Variants in TENT5B observed in about 807,000 individuals in gnomAD.
TENT5B encodes the protein family with sequence similarity 46 member B.
In TENT5B, 12 loss-of-function variants were observed where a neutral mutation model predicts 21.7. That is an observed-to-expected ratio of 0.55 (90% CI 0.36 to 0.90). TENT5B has a LOEUF of 0.90. Ranked by LOEUF, TENT5B falls within the 40% of genes least tolerant of loss-of-function variation. The pLI is 0.01. For synonymous variants in TENT5B, 262 were observed against 266.6 expected (o/e 0.98, Z 0.17); for missense variants, 540 against 601.5 (o/e 0.90, Z 1.07).
In TENT5B at chr1:27,007,699, G is replaced by A. The variant is rs540724765; in HGVS notation, c.265-742C>T. ...GCGCTCGGTGGTTTAAGTCTTAACC[G>A]TGCTATTCTACCTCTCAAACTGCTA... On this transcript the variant is annotated intron_variant, in intron 1 of 1. Transcript: ENST00000289166. Among the ~76,000 whole-genome samples the A allele has an allele frequency of 2.1e-3, 317 of 152,130 alleles. 2 individuals are homozygous for A. Among genetic ancestry groups the A allele is most frequent in the African/African-American group, 7.1e-3 (296 of 41,500 alleles).
At chr1:27,012,292 T>TC (rs1213959249) in intron 1 of TENT5B, 115 bp downstream of exon 1, 40 of 1,464,328 alleles carry the variant, frequency 2.7e-5, no homozygotes, top group Non-Finnish European at 3.6e-5. Context: ...TACAGCCATG[T>TC]CCCCGTTCCT....
intron 1 of TENT5B, among the ~76,000 whole-genome samples, chr1:27,011,180 G>A (rs745470467): frequency 2.6e-5 from 4 of 152,130 alleles, no homozygotes; most frequent in African/African-American, 7.2e-5. Context: ...ACTGGGCCGC[G>A]TGTGAGTCAG....
In TENT5B at chr1:27,012,836, C is replaced by A; in HGVS notation, c.-166G>T. The A allele has an allele frequency of 1.1e-6, 1 of 917,194 alleles. No homozygotes were observed. The highest frequency in any genetic ancestry group is 2.2e-5 in the South Asian group (1 of 46,078). The allele number at this position is 917,194 out of a possible 1,614,324, so 56.8% of individuals were successfully genotyped here. Reference sequence around the variant, plus strand: ...GAACACCTCAGACGGCGACGACTAACCGACCCTAGCGCCTGCAGCCCGCGG... The same window carrying A: ...GAACACCTCAGACGGCGACGACTAAACGACCCTAGCGCCTGCAGCCCGCGG... On this transcript the variant is annotated 5_prime_UTR_variant, in exon 1 of 2. Transcript: ENST00000289166.
At position 27,006,104 on chromosome 1, in the gene TENT5B, GC is replaced by G; in HGVS notation, c.1117del (p.Ala373ArgfsTer35). 6.2e-7 allele frequency: 1 copy of G among 1,609,352 alleles called. No homozygotes were observed. The highest frequency in any genetic ancestry group is 8.5e-7 in the Non-Finnish European group (1 of 1,177,280). The stretch of plus-strand genomic sequence containing the variant: ...GCCCTGCTCAGCCAGTGCCTGCAGC[GC>G]CAGTGCGGCAATGAGGTCCAGCGTC... ...RQTLDLIAAL[A>X]LQALAEQGPA... On this transcript the variant is annotated frameshift_variant, in exon 2 of 2. Transcript: ENST00000289166. LOFTEE classifies it low-confidence loss of function (END_TRUNC). The surrounding 1 kb of genome is among the most constrained non-coding windows in gnomAD (Gnocchi z 9.4).
chr1:27,010,753 G>A (rs898303591), intron 1 of TENT5B, among the ~76,000 whole-genome samples: 1 of 152,152 alleles, frequency 6.6e-6, no homozygotes, highest in South Asian at 2.1e-4. Flanking sequence ...TGCTATCTCT[G>A]ACCCAGGTCT....
Position 27,012,633 on chromosome 1 carries a change from C to T in TENT5B, c.38G>A (p.Arg13Gln). The part of the protein sequence containing the change: ...PSESGAERRD[R>Q]AAAQVGTAAA... The stretch of plus-strand genomic sequence containing the variant: ...AGCCGTCCCCACCTGAGCAGCCGCC[C>T]GGTCCCTGCGCTCAGCTCCGCTCTC... The change falls in exon 1 of 2, where the codon CGG becomes CAG. Residue 13 changes from arginine to glutamine, a missense_variant. Physicochemically the swap from Arg to Gln is conservative, Grantham distance 43. Coordinates refer to ENST00000289166, the MANE Select transcript of TENT5B (RefSeq NM_052943.4). The T allele has an allele frequency of 2.6e-6, 4 of 1,511,422 alleles. No homozygotes were observed. The highest frequency in any genetic ancestry group is 1.8e-6 in the Non-Finnish European group (2 of 1,138,922). The allele number at this position is 1,511,422 out of a possible 1,614,324, so 93.6% of individuals were successfully genotyped here.
intron 1 of TENT5B, among the ~76,000 whole-genome samples, chr1:27,010,328 G>A (rs1346568528): frequency 6.6e-6 from 1 of 152,104 alleles, no homozygotes. Context: ...CTTGCAGGGG[G>A]GTAGAGGGAG....
Position 27,006,526 on chromosome 1 carries a change from G to A in TENT5B, c.696C>T (p.Cys232=), listed in dbSNP as rs746538837. Residue 232 remains cysteine, a synonymous_variant, in exon 2 of 2, where the codon TGC becomes TGT. Coordinates refer to ENST00000289166, the MANE Select transcript of TENT5B (RefSeq NM_052943.4). This position sits in a 1 kb window ranked among gnomAD's most constrained non-coding sequence, Gnocchi z 9.4. The stretch of plus-strand genomic sequence containing the variant: ...AGGCCTCAGACATGGGAGTGGACGA[G>A]CACTGGCCAAAGAGCAACAGGGAGT... ...ILDSLLLFGQ[C]SSTPMSEAFH... is the part of the protein sequence containing the mutation. The A allele has an allele frequency of 1.2e-6, 2 of 1,614,196 alleles. No individual in the cohort carries two copies. Among genetic ancestry groups the A allele is most frequent in the South Asian group, 2.2e-5 (2 of 91,090 alleles).
In TENT5B at chr1:27,012,391, C is replaced by G. The variant is rs1375838007; in HGVS notation, c.264+16G>C. On this transcript the variant is annotated intron_variant, in intron 1 of 1. Transcript: ENST00000289166. ...AGAAGGGATTCCCCCACATCCCCCG[C>G]CTGGCGTCCTCTCACCTGCACGATC... The G allele has an allele frequency of 6.2e-7, 1 of 1,608,332 alleles. No homozygotes were observed. Among genetic ancestry groups the G allele is most frequent in the Admixed American group, 1.7e-5 (1 of 59,500 alleles).
rs757926525 is a variant in TENT5B, at chr1:27,006,601, C to T, written c.621G>A (p.Ser207=). The change falls in exon 2 of 2, where the codon TCG becomes TCA. Residue 207 remains serine, a synonymous_variant. Coordinates refer to ENST00000289166, the MANE Select transcript of TENT5B (RefSeq NM_052943.4). The surrounding 1 kb of genome is among the most constrained non-coding windows in gnomAD (Gnocchi z 9.4). ...GKNVELKFVD[S]VRRQFEFSID... The stretch of plus-strand genomic sequence containing the variant: ...TGCTGAATTCAAACTGGCGTCTCAC[C>T]GAGTCCACAAACTTGAGCTCCACGT... 8.7e-6 allele frequency: 14 copies of T among 1,614,186 alleles called. No homozygotes were observed. In the South Asian group the frequency reaches 1.1e-4, roughly 13 times the overall value.
chr1:27,012,802 A>C lies in TENT5B; in HGVS notation c.-132T>G. ...GACGGGGCGGCAACGACGGCGAGAC[A>C]AAGCCAGGGAACACCTCAGACGGCG... On this transcript the variant is annotated 5_prime_UTR_variant, in exon 1 of 2. Coordinates refer to ENST00000289166, the MANE Select transcript of TENT5B (RefSeq NM_052943.4). 8.5e-7 allele frequency: 1 copy of C among 1,182,772 alleles called. No homozygotes were observed. The highest frequency in any genetic ancestry group is 1.1e-6 in the Non-Finnish European group (1 of 900,042). 73.3% of individuals were successfully genotyped at this position (1,182,772 alleles called of 1,614,324 possible). A position where few individuals can be genotyped will look rare whatever the true frequency, so the allele number is the denominator to read the frequency against.
rs1463347248 is a variant in TENT5B at position 27,005,796 on chromosome 1, A to G, written c.*148T>C. 2 of 1,085,780 alleles carry G rather than the reference A, an allele frequency of 1.8e-6. No homozygotes were observed. The highest frequency in any genetic ancestry group is 2.5e-6 in the Non-Finnish European group (2 of 793,076). 67.3% of individuals were successfully genotyped at this position (1,085,780 alleles called of 1,614,324 possible). ...GCCCACAGGGGCCTCGTGCTCGGGA[A>G]AGTCTGGTCTGTTCAATCAAAGGCC... is the stretch of plus-strand genomic sequence containing the variant. On this transcript the variant is annotated 3_prime_UTR_variant, in exon 2 of 2. Transcript: ENST00000289166.
Position 27,006,926 on chromosome 1 carries a change from A to G in TENT5B, c.296T>C (p.Leu99Pro). 4 of 1,602,464 alleles carry G rather than the reference A, an allele frequency of 2.5e-6. No homozygotes were observed. Among genetic ancestry groups the G allele is most frequent in the Non-Finnish European group, 3.4e-6 (4 of 1,172,204 alleles). Residue 99 changes from leucine (L) to proline (P), a missense_variant, in exon 2 of 2, where the codon CTA (leucine) becomes CCA (proline). Physicochemically the swap from Leu to Pro is moderately conservative, Grantham distance 98 (BLOSUM62 -3). Coordinates refer to ENST00000289166, the MANE Select transcript of TENT5B (RefSeq NM_052943.4). This position sits in a 1 kb window ranked among gnomAD's most constrained non-coding sequence, Gnocchi z 9.4. ...VVRSTLEEQG[L>P]HVHSVRLHGS... ...ATGCAGCCGCACACTGTGCACATGT[A>G]GTCCCTGCTCCTCCAGGGTGCTGCG...
Position 27,006,807 on chromosome 1 carries a change from A to T in TENT5B, c.415T>A (p.Ser139Thr). ...VFRVDLRSEA[S>T]FQLTKAVVLA... Reference sequence around the variant, plus strand: ...ACCACTGCCTTGGTCAGCTGGAAGGATGCCTCACTGCGCAGGTCCACCCGG... The same window carrying T: ...ACCACTGCCTTGGTCAGCTGGAAGGTTGCCTCACTGCGCAGGTCCACCCGG... The change falls in exon 2 of 2, where the codon TCC becomes ACC. Residue 139 changes from serine to threonine, a missense_variant. Transcript: ENST00000289166. The surrounding 1 kb of genome is among the most constrained non-coding windows in gnomAD (Gnocchi z 9.4). 1 of 1,614,006 alleles carries T rather than the reference A, an allele frequency of 6.2e-7. No individual in the cohort carries two copies. The highest frequency in any genetic ancestry group is 8.5e-7 in the Non-Finnish European group (1 of 1,180,028).
chr1:27,009,882 G>A (rs1348018933), intron 1 of TENT5B, among the ~76,000 whole-genome samples: 1 of 152,200 alleles, frequency 6.6e-6, no homozygotes, highest in Non-Finnish European at 1.5e-5. Flanking sequence ...TTTGGCAGAC[G>A]GTCACCAGAT....
rs754510486 is a variant in TENT5B, at chr1:27,006,625, G to A, written c.597C>T (p.Asn199=). The A allele has an allele frequency of 6.2e-6, 10 of 1,614,018 alleles. No homozygotes were observed. The South Asian group carries it at 6.6e-5, about 11-fold the overall frequency. ...CCGAGTCCACAAACTTGAGCTCCACGTTCTTGCCGCTCTTGTTGGACAGTG... is the reference window on the plus strand; with the variant it reads ...CCGAGTCCACAAACTTGAGCTCCACATTCTTGCCGCTCTTGTTGGACAGTG... ...LISLSNKSGK[N]VELKFVDSVR... The change falls in exon 2 of 2, where the codon AAC becomes AAT. Residue 199 remains asparagine (N), a synonymous_variant. Coordinates refer to ENST00000289166, the MANE Select transcript of TENT5B (RefSeq NM_052943.4). The surrounding 1 kb of genome is among the most constrained non-coding windows in gnomAD (Gnocchi z 9.4).
chr1:27,011,697 C>CGAAAA (rs2082624195), intron 1 of TENT5B, among the ~76,000 whole-genome samples: 1 of 152,164 alleles, frequency 6.6e-6, no homozygotes, highest in Admixed American at 6.5e-5. Flanking sequence ...TTCTCTTCTC[C>CGAAAA]CTTTCCTCAG....
Position 27,006,475 on chromosome 1 carries a change from G to A in TENT5B, c.747C>T (p.Ser249=). The A allele has an allele frequency of 6.2e-7, 1 of 1,614,078 alleles. No individual in the cohort carries two copies. Among genetic ancestry groups the A allele is most frequent in the South Asian group, 1.1e-5 (1 of 91,084 alleles). ...EAFHPTVTGE[S]LYGDFTEALE... is the part of the protein sequence containing the mutation. Reference sequence around the variant, plus strand: ...GGGCCTCGGTGAAGTCCCCGTACAGGCTTTCGCCTGTGACCGTTGGGTGGA... The same window carrying A: ...GGGCCTCGGTGAAGTCCCCGTACAGACTTTCGCCTGTGACCGTTGGGTGGA... Residue 249 remains serine (S), a synonymous_variant, in exon 2 of 2, where the codon AGC becomes AGT. Transcript: ENST00000289166. This position sits in a 1 kb window ranked among gnomAD's most constrained non-coding sequence, Gnocchi z 9.4.
Position 27,012,690 on chromosome 1 carries a change from C to T in TENT5B, c.-20G>A, listed in dbSNP as rs1190741586. 1 of 1,450,628 alleles carries T rather than the reference C, an allele frequency of 6.9e-7. No individual in the cohort carries two copies. Among genetic ancestry groups the T allele is most frequent in the African/African-American group, 1.5e-5 (1 of 66,178 alleles). The allele number at this position is 1,450,628 out of a possible 1,614,324, so 89.9% of individuals were successfully genotyped here. On this transcript the variant is annotated 5_prime_UTR_variant, in exon 1 of 2. Transcript: ENST00000289166. ...CATCATCCGCCCGGCCCCCGGGCCCCGACGGCAGAAACCGTGGGGGTGGTT... is the reference window on the plus strand; with the variant it reads ...CATCATCCGCCCGGCCCCCGGGCCCTGACGGCAGAAACCGTGGGGGTGGTT...
Sources: allele counts gnomAD v4.1 joint callset (sites outside exome capture counted in the v4.1 genomes callset), GRCh38; gene constraint gnomAD v4.1.1; non-coding constraint Gnocchi (gnomAD v3.1); transcripts MANE v1.5; gene names NCBI Gene and HGNC (gene_info 2026-07-23, HGNC 2026-07-21).